SLC24A2: variants seen among roughly 807,000 people sequenced by gnomAD.
SLC24A2 encodes the protein solute carrier family 24 member 2.
SLC24A2 carries 36 observed loss-of-function variants against 62.0 expected under a neutral mutation model. That is an observed-to-expected ratio of 0.58 (90% CI 0.44 to 0.77). SLC24A2 has a LOEUF of 0.77. SLC24A2 is among the 30% of genes least tolerant of loss of function. The pLI is 0.00. For missense variants in SLC24A2, 846 were observed against 817.9 expected (o/e 1.03, Z -0.42); for synonymous variants, 358 against 294.0 (o/e 1.22, Z -2.23).
chr9:20,204,421 T>C, the SLC24A2 span, among the ~76,000 whole-genome samples: 1 of 152,214 alleles, frequency 6.6e-6, no homozygotes, highest in African/African-American at 2.4e-5. Flanking sequence ...TTGTCCAGTA[T>C]CAGAACCAAC....
the SLC24A2 span, among the ~76,000 whole-genome samples, chr9:20,158,504 C>G: frequency 6.6e-6 from 1 of 151,562 alleles, no homozygotes; most frequent in Non-Finnish European, 1.5e-5. Flanking sequence ...AGAACAGGGC[C>G]GTCATCAGAC....
chr9:20,051,657 C>CTCTTTTTTTTTTTTTTTTCTTTTTTTTTT, the SLC24A2 span, among the ~76,000 whole-genome samples: 1 of 73,514 alleles, frequency 1.4e-5, no homozygotes, highest in South Asian at 4.5e-4. Context: ...TTTTCTTTCT[C>CTCTTTTTTTTTTTTTTTTCTTTTTTTTTT]TTTTTTTTTT....
At chr9:20,195,582 T>A in the SLC24A2 span, among the ~76,000 whole-genome samples, 1 of 152,178 alleles carries the variant, frequency 6.6e-6, no homozygotes, top group African/African-American at 2.4e-5. Context: ...TCAATACTAA[T>A]CCTTTATCAA....
intron 1 of SLC24A2, 92 bp downstream of exon 1, chr9:19,788,793 G>A: frequency 1.0e-6 from 1 of 985,452 alleles, no homozygotes; most frequent in Non-Finnish European, 1.2e-6. Flanking sequence ...CTGTGAGCCT[G>A]CAGAGCAGCA....
the SLC24A2 span, among the ~76,000 whole-genome samples, chr9:20,298,839 T>C: frequency 1.2e-4 from 19 of 152,372 alleles, no homozygotes; most frequent in African/African-American, 4.1e-4. Context: ...TTATCCCCTA[T>C]GCTCTTCATT....
the SLC24A2 span, among the ~76,000 whole-genome samples, chr9:20,130,667 G>T: frequency 6.6e-6 from 1 of 152,142 alleles, no homozygotes; most frequent in Non-Finnish European, 1.5e-5. Flanking sequence ...AGCCATTGCA[G>T]AGTTTTAGGC....
the SLC24A2 span, among the ~76,000 whole-genome samples, chr9:20,242,657 G>A: frequency 1.3e-5 from 2 of 152,250 alleles, 1 homozygote; most frequent in South Asian, 4.1e-4. Flanking sequence ...TCTGACTCCG[G>A]GATGCAACAC....
the SLC24A2 span, among the ~76,000 whole-genome samples, chr9:19,924,963 T>C: frequency 6.6e-6 from 1 of 152,184 alleles, no homozygotes; most frequent in Non-Finnish European, 1.5e-5. Flanking sequence ...AAAGTCAGGC[T>C]TCAAGTAGAG....
chr9:20,283,542 C>T, the SLC24A2 span, among the ~76,000 whole-genome samples: 2 of 152,112 alleles, frequency 1.3e-5, no homozygotes, highest in Non-Finnish European at 2.9e-5. Flanking sequence ...GCCGGAATAT[C>T]CATACGGGTC....
the SLC24A2 span, among the ~76,000 whole-genome samples, chr9:20,029,887 G>A: frequency 6.6e-6 from 1 of 152,110 alleles, no homozygotes; most frequent in African/African-American, 2.4e-5. Flanking sequence ...GGTGAAACAA[G>A]CAGTTATATT....
At chr9:19,799,500 A>G in the SLC24A2 span, among the ~76,000 whole-genome samples, 93 of 152,288 alleles carry the variant, frequency 6.1e-4, no homozygotes, top group African/African-American at 2.0e-3. Flanking sequence ...TAGCTCATGA[A>G]GTTTGGAGAG....
the SLC24A2 span, among the ~76,000 whole-genome samples, chr9:20,000,298 G>A: frequency 6.6e-6 from 1 of 152,158 alleles, no homozygotes; most frequent in Non-Finnish European, 1.5e-5. Flanking sequence ...TTATGGATAA[G>A]GAATTGGAGG....
rs931843994 is a variant in SLC24A2 at position 19,514,834 on chromosome 9, A to C, written c.*1319T>G. 1 of 152,344 alleles carries C rather than the reference A, an allele frequency of 6.6e-6. No homozygotes were observed. The highest frequency in any genetic ancestry group is 1.5e-5 in the Non-Finnish European group (1 of 68,058). 9.4% of individuals were successfully genotyped at this position (152,344 alleles called of 1,614,324 possible). On this transcript the variant is annotated 3_prime_UTR_variant, in exon 11 of 11. Transcript: ENST00000341998. ...TCAGAAACCTTCCTGGGGTGCACTG[A>C]GTGTGCAAATGCCTTTCCAAGCATC...
intron 8 of SLC24A2, among the ~76,000 whole-genome samples, chr9:19,539,429 A>T (rs1356245894): frequency 6.6e-6 from 1 of 151,890 alleles, no homozygotes; most frequent in Non-Finnish European, 1.5e-5. Flanking sequence ...GGTTTCGAAG[A>T]ACATCTTTAT....
the SLC24A2 span, among the ~76,000 whole-genome samples, chr9:20,253,373 A>G: frequency 6.6e-6 from 1 of 152,214 alleles, no homozygotes; most frequent in Non-Finnish European, 1.5e-5. Flanking sequence ...TTATTTTATT[A>G]AACAGTTGCA....
intron 2 of SLC24A2, among the ~76,000 whole-genome samples, chr9:19,761,888 A>T (rs1483684393): frequency 6.6e-6 from 1 of 152,018 alleles, no homozygotes; most frequent in Non-Finnish European, 1.5e-5. Context: ...TCGTTGTTGG[A>T]CATTTGGGTT....
chr9:20,290,934 C>T, the SLC24A2 span, among the ~76,000 whole-genome samples: 3 of 152,186 alleles, frequency 2.0e-5, no homozygotes, highest in South Asian at 4.1e-4. Context: ...CATATGGCAT[C>T]TTCATGAGAA....
the SLC24A2 span, among the ~76,000 whole-genome samples, chr9:19,838,315 G>A: frequency 6.6e-6 from 1 of 152,074 alleles, no homozygotes; most frequent in African/African-American, 2.4e-5. Context: ...ACAAGAAATG[G>A]GGAAAGGATT....
chr9:20,045,317 A>G, the SLC24A2 span, among the ~76,000 whole-genome samples: 324 of 152,230 alleles, frequency 2.1e-3, no homozygotes, highest in African/African-American at 7.4e-3. Flanking sequence ...AAAGCAGCTG[A>G]TCTACTAGGT....
Sources: gnomAD v4.1 joint callset for allele counts (sites outside exome capture counted in the v4.1 genomes callset) on GRCh38, gnomAD v4.1.1 for gene constraint, MANE v1.5 for transcripts, NCBI Gene and HGNC (gene_info 2026-07-23, HGNC 2026-07-21) for gene names.